NEB: variants seen among roughly 807,000 people sequenced by gnomAD.
The protein encoded by NEB is nebulin.
Under a neutral mutation model 952.2 loss-of-function variants are expected in NEB, and 512 were observed. The ratio of observed to expected loss-of-function variants is 0.54; its 90% CI spans 0.50 to 0.58. NEB has a LOEUF of 0.58. Among genes scored for constraint, NEB ranks in the 20% least tolerant of loss-of-function variants. NEB has a pLI of 0.00. For synonymous variants in NEB, 2,900 were observed against 3,149.8 expected, an observed-to-expected ratio of 0.92 and a Z score of 2.66; for missense variants, 8,428 against 9,231.1, an observed-to-expected ratio of 0.91 and a Z score of 3.56.
intron 180 of NEB, 46 bp from the exon 181 acceptor site, chr2:151,490,123 G>A (rs762580492): frequency 1.4e-6 from 2 of 1,440,406 alleles, no homozygotes; most frequent in African/African-American, 1.4e-5. Context: ...AAATGGCTAG[G>A]TATCCTTTAA....
rs1377330516 is a variant in NEB, at chr2:151,548,368, T to A, written c.20097A>T (p.Thr6699=). 1 of 1,613,830 alleles carries A rather than the reference T, an allele frequency of 6.2e-7. No individual in the cohort carries two copies. The highest frequency in any genetic ancestry group is 8.5e-7 in the Non-Finnish European group (1 of 1,179,746). Residue 6699 remains threonine, a synonymous_variant, in exon 131 of 182, where the codon ACA becomes ACT. Coordinates refer to ENST00000397345, the MANE Select transcript of NEB (RefSeq NM_001164508.2). The part of the protein sequence containing the change: ...AYEHTKAYGY[T]LGPKDVPFVH... The stretch of plus-strand genomic sequence containing the variant: ...CAAATGGAACATCTTTGGGGCCAAG[T>A]GTATACCCATATGCCTTGGTGTGTT...
At chr2:151,540,494 C>A (rs555729045) in intron 137 of NEB, 46 bp from the exon 138 acceptor site, 1 of 1,428,674 alleles carries the variant, frequency 7.0e-7, no homozygotes, top group South Asian at 1.2e-5. Flanking sequence ...AGTGTCTTCC[C>A]AATTTCCAAC....
At chr2:151,527,153 T>G (rs2086697216) in intron 147 of NEB, 131 bp from the exon 148 acceptor site, 2 of 657,918 alleles carry the variant, frequency 3.0e-6, no homozygotes, top group East Asian at 5.4e-5. Flanking sequence ...GGAGAAGAGC[T>G]TCTTGGTCCC....
intron 60 of NEB, among the ~76,000 whole-genome samples, chr2:151,641,049 TC>T (rs1302201329): frequency 6.6e-6 from 1 of 152,152 alleles, no homozygotes; most frequent in East Asian, 1.9e-4. Flanking sequence ...ATCCAAAATT[TC>T]ATTGAGTATC....
chr2:151,690,897 G>T (rs1576474821), intron 23 of NEB, 72 bp from the exon 24 acceptor site: 6 of 1,132,990 alleles, frequency 5.3e-6, no homozygotes, highest in Admixed American at 2.0e-5. Context: ...ATAAAAAATG[G>T]TTCCAGGTCA....
At chr2:151,679,331 G>T (rs181747616) in intron 32 of NEB, among the ~76,000 whole-genome samples, 1 of 151,934 alleles carries the variant, frequency 6.6e-6, no homozygotes, top group Non-Finnish European at 1.5e-5. Flanking sequence ...CAGAAGTAAC[G>T]AAGGAAAAAG....
chr2:151,660,242 C>A (rs2099131611), intron 46 of NEB, among the ~76,000 whole-genome samples: 1 of 152,188 alleles, frequency 6.6e-6, no homozygotes, highest in South Asian at 2.1e-4. Flanking sequence ...TGTTCAACTT[C>A]TCCTCCGGCC....
chr2:151,506,792 G>C (rs2069370212), intron 163 of NEB, 117 bp downstream of exon 163: 3 of 700,726 alleles, frequency 4.3e-6, no homozygotes, highest in Non-Finnish European at 7.4e-6. Flanking sequence ...ATCACTGCTA[G>C]TATTACTGAG....
At chr2:151,611,571 T>C (rs1432244841) in intron 78 of NEB, among the ~76,000 whole-genome samples, 1 of 152,202 alleles carries the variant, frequency 6.6e-6, no homozygotes, top group Non-Finnish European at 1.5e-5. Context: ...TGTGGGAGAA[T>C]TCAAGTTCAA....
rs1296001809 is a variant in NEB at position 151,529,224 on chromosome 2, T to G, written c.21721A>C (p.Lys7241Gln). 6.2e-7 allele frequency: 1 copy of G among 1,611,762 alleles called. No individual in the cohort carries two copies. The highest frequency in any genetic ancestry group is 1.3e-5 in the African/African-American group (1 of 74,998). The change falls in exon 146 of 182, where the codon AAA becomes CAA. Residue 7241 changes from lysine to glutamine, a missense_variant. By Grantham distance (53) the Lys-to-Gln change is moderately conservative. Around this residue, in one of 11 missense-constraint regions of NEB, gnomAD observed 3,374 missense variants for 3,651.5 expected, o/e 0.92. Transcript: ENST00000397345. ...CTGGAACTTACATTGGTGTTGACTT[T>G]GTAGGCGTCCTTGGCTGCTTTGATA... Reference protein sequence around the residue: ...VHIKAAKDAYKVNTNLDYKKQ... With the variant: ...VHIKAAKDAYQVNTNLDYKKQ...
chr2:151,540,398 A>C lies in NEB; in HGVS notation c.20838T>G (p.Val6946=). 1 of 1,584,846 alleles carries C rather than the reference A, an allele frequency of 6.3e-7. No homozygotes were observed. The highest frequency in any genetic ancestry group is 8.6e-7 in the Non-Finnish European group (1 of 1,163,688). Residue 6946 remains valine, a synonymous_variant, in exon 138 of 182, where the codon GTT becomes GTG. Transcript: ENST00000397345. The stretch of plus-strand genomic sequence containing the variant: ...CTCTGATGAGGATTGGCGTATCTGG[A>C]ACCGGAGTGTACTTGTCTTTCATCT... ...YEKMKDKYTP[V]PDTPILIRAK...
intron 153 of NEB, 99 bp from the exon 154 acceptor site, chr2:151,519,867 C>CATAG (rs1454551304): frequency 2.7e-6 from 2 of 742,018 alleles, no homozygotes; most frequent in East Asian, 5.1e-5. Flanking sequence ...ATGCATTGTA[C>CATAG]ATAGAGTGAT....
chr2:151,630,715 C>T lies in NEB; in HGVS notation c.9723G>A (p.Glu3241=), dbSNP rs1162902942. 6.2e-7 allele frequency: 1 copy of T among 1,601,232 alleles called. No homozygotes were observed. The highest frequency in any genetic ancestry group is 8.5e-7 in the Non-Finnish European group (1 of 1,172,244). ...TAGCACCACAGATTTTTGCTCCTAC[C>T]TCACTGTAGTTGATTTTGTTCTGCC... ...LARQNKINYS[E]TLYKLANEEA... is the part of the protein sequence containing the mutation. The change falls in exon 67 of 182, where the codon GAG becomes GAA. Residue 3241 remains glutamate (E), a splice_region_variant and synonymous_variant. Coordinates refer to ENST00000397345, the MANE Select transcript of NEB (RefSeq NM_001164508.2).
chr2:151,551,335 G>A (rs1281741742), intron 129 of NEB, among the ~76,000 whole-genome samples: 1 of 152,120 alleles, frequency 6.6e-6, no homozygotes. Flanking sequence ...AGCACCATTG[G>A]GTAACATAGA....
intron 160 of NEB, 84 bp from the exon 161 acceptor site, chr2:151,512,921 T>C (rs1334761603): frequency 7.8e-6 from 7 of 901,540 alleles, no homozygotes; most frequent in Non-Finnish European, 1.2e-5. Context: ...AGGTGAGCCA[T>C]ATTTCTTTTC....
chr2:151,697,790 G>T, intron 13 of NEB, 142 bp from the exon 14 acceptor site: 1 of 629,866 alleles, frequency 1.6e-6, no homozygotes, highest in Non-Finnish European at 2.7e-6. Flanking sequence ...ATTGAGGCCA[G>T]GTGCGGCGGC....
At chr2:151,517,833 A>G (rs34446552) in intron 156 of NEB, among the ~76,000 whole-genome samples, 2,355 of 152,332 alleles carry the variant, frequency 0.015, 40 homozygotes, top group African/African-American at 0.033. Flanking sequence ...TTATAATCTT[A>G]TGGGACCACT....
chr2:151,611,693 G>A (rs2097972082), intron 78 of NEB, among the ~76,000 whole-genome samples: 2 of 152,316 alleles, frequency 1.3e-5, no homozygotes, highest in East Asian at 3.9e-4. Flanking sequence ...TGAAAGCAGA[G>A]ATTGCAGCTA....
chr2:151,513,313 C>T (rs2075794571), intron 160 of NEB, among the ~76,000 whole-genome samples: 1 of 152,102 alleles, frequency 6.6e-6, no homozygotes, highest in Non-Finnish European at 1.5e-5. Flanking sequence ...CGAGTTTGCC[C>T]CAGCTCCAAA....
Sources: allele counts gnomAD v4.1 joint callset (sites outside exome capture counted in the v4.1 genomes callset), GRCh38; gene constraint gnomAD v4.1.1; regional missense constraint gnomAD v4.1.1; transcripts MANE v1.5; gene names NCBI Gene and HGNC (gene_info 2026-07-23, HGNC 2026-07-21).